USP32: variants seen among roughly 807,000 people sequenced by gnomAD.
USP32 encodes the protein ubiquitin carboxyl-terminal hydrolase 32.
Under a neutral mutation model 204.8 loss-of-function variants are expected in USP32, and 59 were observed. The observed-to-expected ratio is 0.29, with a 90% CI of 0.23 to 0.36. USP32 has a LOEUF of 0.36. Among genes scored for constraint, USP32 ranks in the 10% least tolerant of loss-of-function variants. The pLI is 1.00. For missense variants in USP32, 1,160 were observed against 1,946.4 expected (o/e 0.60, Z 7.60); for synonymous variants, 517 against 678.4 (o/e 0.76, Z 3.70).
At chr17:60,217,944 C>T (rs2085147272) in intron 16 of USP32, among the ~76,000 whole-genome samples, 1 of 151,338 alleles carries the variant, frequency 6.6e-6, no homozygotes, top group Non-Finnish European at 1.5e-5. Context: ...TACTATGTTG[C>T]CCAGGCTGGT....
chr17:60,410,337 C>A (rs2090008329), intron 1 of USP32, among the ~76,000 whole-genome samples: 1 of 152,082 alleles, frequency 6.6e-6, no homozygotes, highest in Admixed American at 6.6e-5. Flanking sequence ...TCAGCATACC[C>A]CATTCCCTAG....
chr17:60,412,645 T>G (rs1397731117), intron 1 of USP32, among the ~76,000 whole-genome samples: 2 of 152,012 alleles, frequency 1.3e-5, no homozygotes, highest in East Asian at 3.8e-4. Flanking sequence ...TAGTCCCCAG[T>G]CTCACCAAAT....
rs2085309643 is a variant in USP32, at chr17:60,223,565, G to C, written c.1454C>G (p.Pro485Arg). 2 of 1,600,290 alleles carry C rather than the reference G, an allele frequency of 1.2e-6. No homozygotes were observed. Among genetic ancestry groups the C allele is most frequent in the East Asian group, 4.5e-5 (2 of 44,780 alleles). The change falls in exon 14 of 34, where the codon CCA becomes CGA. Residue 485 changes from proline (P) to arginine (R), a missense_variant. Physicochemically the swap from Pro to Arg is moderately radical, Grantham distance 103. Transcript: ENST00000300896. ...AGSGFLYSAT[P>R]GADVCFARQH... is the part of the protein sequence containing the mutation. The stretch of plus-strand genomic sequence containing the variant: ...TCGAGCAAAGCAAACATCTGCCCCT[G>C]GTGTGGCAGAATACAGAAAGCCTAT...
At chr17:60,331,810 A>T (rs990513320) in intron 2 of USP32, among the ~76,000 whole-genome samples, 1 of 148,418 alleles carries the variant, frequency 6.7e-6, no homozygotes, top group South Asian at 2.1e-4. Flanking sequence ...AGGCTGGAGG[A>T]TCACTTGAGC....
At chr17:60,290,313 A>T (rs996335648) in intron 4 of USP32, among the ~76,000 whole-genome samples, 2 of 152,208 alleles carry the variant, frequency 1.3e-5, no homozygotes, top group African/African-American at 4.8e-5. Context: ...TTCTTTGGAC[A>T]TATTGAAGAT....
chr17:60,343,227 ATAT>A (rs1482971808), intron 2 of USP32, among the ~76,000 whole-genome samples: 1 of 152,126 alleles, frequency 6.6e-6, no homozygotes, highest in Non-Finnish European at 1.5e-5. Context: ...CCCACTGACA[ATAT>A]TAGACAGATC....
chr17:60,195,771 C>G (rs1257070399), intron 27 of USP32, among the ~76,000 whole-genome samples: 3 of 152,208 alleles, frequency 2.0e-5, no homozygotes, highest in Non-Finnish European at 4.4e-5. Context: ...TGTTAATCAT[C>G]TGGTCTCAGG....
chr17:60,302,415 G>A (rs956999205), intron 2 of USP32, among the ~76,000 whole-genome samples: 12 of 152,174 alleles, frequency 7.9e-5, no homozygotes, highest in South Asian at 4.1e-4. Context: ...CCAAAGTGCC[G>A]GCATTATAGG....
chr17:60,232,827 G>A (rs928190243), intron 12 of USP32, among the ~76,000 whole-genome samples: 4 of 151,042 alleles, frequency 2.6e-5, no homozygotes, highest in African/African-American at 4.9e-5. Flanking sequence ...GATAATAGGC[G>A]TGAGCCACCA....
chr17:60,388,063 C>T (rs1181837103), intron 1 of USP32, among the ~76,000 whole-genome samples: 1 of 151,982 alleles, frequency 6.6e-6, no homozygotes, highest in Non-Finnish European at 1.5e-5. Flanking sequence ...TCCTTAGTGC[C>T]TAATTCATAC....
At chr17:60,182,291 A>T (rs2084131490) in intron 31 of USP32, among the ~76,000 whole-genome samples, 1 of 152,212 alleles carries the variant, frequency 6.6e-6, no homozygotes, top group Non-Finnish European at 1.5e-5. Flanking sequence ...TGTGAATTTT[A>T]TCTATCAATA....
intron 5 of USP32, among the ~76,000 whole-genome samples, chr17:60,282,505 C>T (rs2145829014): frequency 1.3e-5 from 2 of 152,284 alleles, no homozygotes; most frequent in South Asian, 4.2e-4. Context: ...AGGCACATGC[C>T]ACTACACCCG....
chr17:60,347,670 T>C (rs1187529590), intron 1 of USP32, among the ~76,000 whole-genome samples: 1 of 150,412 alleles, frequency 6.6e-6, no homozygotes, highest in African/African-American at 2.4e-5. Context: ...GGCTAATTTT[T>C]GTATTTTTAG....
chr17:60,367,816 C>T (rs746941660), intron 1 of USP32, among the ~76,000 whole-genome samples: 30 of 151,948 alleles, frequency 2.0e-4, no homozygotes, highest in Admixed American at 3.3e-4. Context: ...TAAAACAAAA[C>T]AAAACCAAAT....
chr17:60,230,543 G>C (rs1433314528), intron 12 of USP32, among the ~76,000 whole-genome samples: 1 of 152,234 alleles, frequency 6.6e-6, no homozygotes, highest in Non-Finnish European at 1.5e-5. Context: ...ACATGGTACA[G>C]TGAGTAATAA....
At position 60,331,192 on chromosome 17, in the gene USP32, A is replaced by G. The variant is rs116746247; in HGVS notation, c.186+14289T>C. Among the ~76,000 whole-genome samples the G allele has an allele frequency of 2.4e-3, 361 of 152,354 alleles. 2 individuals are homozygous for G. Among genetic ancestry groups the G allele is most frequent in the African/African-American group, 7.6e-3 (314 of 41,578 alleles). On this transcript the variant is annotated intron_variant, in intron 2 of 33. Coordinates refer to ENST00000300896, the MANE Select transcript of USP32 (RefSeq NM_032582.4). Reference sequence around the variant, plus strand: ...CTCACTTTCCTAAATAGTGTTAAGTATTCTTCCTGAAAAACCCAAAAAGTA... The same window carrying G: ...CTCACTTTCCTAAATAGTGTTAAGTGTTCTTCCTGAAAAACCCAAAAAGTA...
upstream of USP32, among the ~76,000 whole-genome samples, chr17:60,396,449 T>G (rs763974248): frequency 6.6e-6 from 1 of 152,274 alleles, no homozygotes; most frequent in African/African-American, 2.4e-5. Flanking sequence ...AAAAGATCAC[T>G]TCCAAAATAT....
At chr17:60,188,571 A>G (rs2084303244) in intron 29 of USP32, among the ~76,000 whole-genome samples, 1 of 152,234 alleles carries the variant, frequency 6.6e-6, no homozygotes, top group Non-Finnish European at 1.5e-5. Flanking sequence ...CAACCGCATT[A>G]TATTTTATCC....
intron 1 of USP32, among the ~76,000 whole-genome samples, chr17:60,361,881 A>T (rs2089214455): frequency 6.6e-6 from 1 of 152,128 alleles, no homozygotes; most frequent in Non-Finnish European, 1.5e-5. Context: ...TATATATGCC[A>T]TTTGGCCTCA....
Sources: allele counts gnomAD v4.1 joint callset (sites outside exome capture counted in the v4.1 genomes callset), GRCh38; gene constraint gnomAD v4.1.1; transcripts MANE v1.5; gene names NCBI Gene and HGNC (gene_info 2026-07-23, HGNC 2026-07-21).